Variants in MFSD8 observed in about 807,000 individuals in gnomAD.
MFSD8 encodes the protein major facilitator superfamily domain-containing protein 8.
Under a neutral mutation model 66.4 loss-of-function variants are expected in MFSD8, and 55 were observed. The ratio of observed to expected loss-of-function variants is 0.83; its 90% CI spans 0.67 to 1.04. MFSD8 has a LOEUF of 1.04. Ranked by LOEUF, MFSD8 falls within the 50% of genes least tolerant of loss-of-function variation. The pLI, the probability that MFSD8 is intolerant of heterozygous loss-of-function variation, is 0.00. For synonymous variants in MFSD8, 202 were observed against 212.8 expected, an observed-to-expected ratio of 0.95 and a Z score of 0.44; for missense variants, 550 against 627.6, an observed-to-expected ratio of 0.88 and a Z score of 1.32.
intron 1 of MFSD8, among the ~76,000 whole-genome samples, chr4:127,961,682 G>A (rs1292020977): frequency 2.0e-5 from 3 of 152,054 alleles, no homozygotes; most frequent in Admixed American, 6.6e-5. Flanking sequence ...CCGGCGTGGT[G>A]ACGGGCGCCT....
At position 127,921,583 on chromosome 4, in the gene MFSD8, G is replaced by C. The variant is rs2148839575; in HGVS notation, c.1291C>G (p.Pro431Ala). Residue 431 changes from proline to alanine, a missense_variant, in exon 11 of 12, where the codon CCA (proline) becomes GCA (alanine). Pro to Ala is a conservative substitution (Grantham distance 27). Coordinates refer to ENST00000641686, the MANE Select transcript of MFSD8 (RefSeq NM_001371596.2). The stretch of plus-strand genomic sequence containing the variant: ...GTATAGGACATAAGATTGCAGACTG[G>C]ATAGCCTAATCCTATTAGCACAGCT... ...TSAVLIGLGYPVCNLMSYTLY... is the reference protein window; with the variant it reads ...TSAVLIGLGYAVCNLMSYTLY... The C allele has an allele frequency of 6.2e-7, 1 of 1,614,170 alleles. No homozygotes were observed. Among genetic ancestry groups the C allele is most frequent in the Middle Eastern group, 1.6e-4 (1 of 6,062 alleles).
rs963937026 is a variant in MFSD8, at chr4:127,918,441, A to C, written c.*2189T>G. On this transcript the variant is annotated 3_prime_UTR_variant, in exon 12 of 12. Coordinates refer to ENST00000641686, the MANE Select transcript of MFSD8 (RefSeq NM_001371596.2). Reference sequence around the variant, plus strand: ...TTTGTGTAAGGTTAAGTTTATCTAAATTTTAATCAATATTATAAACCTTTG... The same window carrying C: ...TTTGTGTAAGGTTAAGTTTATCTAACTTTTAATCAATATTATAAACCTTTG... The C allele has an allele frequency of 6.6e-6, 1 of 152,250 alleles. No homozygotes were observed. The highest frequency in any genetic ancestry group is 2.4e-5 in the African/African-American group (1 of 41,468). The allele number at this position is 152,250 out of a possible 1,614,324, so 9.4% of individuals were successfully genotyped here.
intron 9 of MFSD8, among the ~76,000 whole-genome samples, chr4:127,928,199 A>G (rs1175919246): frequency 6.6e-6 from 1 of 152,086 alleles, no homozygotes; most frequent in Non-Finnish European, 1.5e-5. Context: ...CTACACGCAC[A>G]TGCCACCACA....
At chr4:127,960,363 C>G (rs1042788747) in intron 1 of MFSD8, among the ~76,000 whole-genome samples, 2 of 152,052 alleles carry the variant, frequency 1.3e-5, no homozygotes, top group African/African-American at 4.8e-5. Context: ...AACCCTGTCT[C>G]TACTAAAAAT....
chr4:127,926,905 T>A (rs1216758184), intron 9 of MFSD8, among the ~76,000 whole-genome samples: 2 of 152,176 alleles, frequency 1.3e-5, no homozygotes, highest in African/African-American at 4.8e-5. Flanking sequence ...TCCAGACTAG[T>A]GATCTGTGGT....
At chr4:127,921,037 G>A in intron 11 of MFSD8, 1 of 599,016 alleles carries the variant, frequency 1.7e-6, no homozygotes, top group South Asian at 2.2e-5. Flanking sequence ...GAGTGTAAAG[G>A]GAAAAACTTA....
At chr4:127,964,699 G>C (rs1479155298) in intron 1 of MFSD8, 9 of 364,062 alleles carry the variant, frequency 2.5e-5, no homozygotes, top group Non-Finnish European at 3.7e-5. Context: ...TGCAGCGGTG[G>C]GCTGAAGGGC....
intron 2 of MFSD8, among the ~76,000 whole-genome samples, chr4:127,955,822 A>C (rs912638924): frequency 6.6e-6 from 1 of 152,180 alleles, no homozygotes; most frequent in Non-Finnish European, 1.5e-5. Flanking sequence ...ATTTAAACTT[A>C]AGAAATTTTG....
At chr4:127,923,665 C>T (rs184435038) in intron 9 of MFSD8, among the ~76,000 whole-genome samples, 3,989 of 151,036 alleles carry the variant, frequency 0.026, 74 homozygotes, top group Non-Finnish European at 0.034. Context: ...CTGCAAACTC[C>T]GCCTCCCGGG....
chr4:127,964,234 C>T (rs1403133419), intron 1 of MFSD8, among the ~76,000 whole-genome samples: 1 of 152,248 alleles, frequency 6.6e-6, no homozygotes, highest in Non-Finnish European at 1.5e-5. Flanking sequence ...CGCCGTGCAC[C>T]CGCACTCCTC....
At chr4:127,939,498 C>A in intron 6 of MFSD8, 1 of 174,138 alleles carries the variant, frequency 5.7e-6, no homozygotes, top group Non-Finnish European at 1.2e-5. Flanking sequence ...CCCAGCTACT[C>A]GGGAAGCTGA....
At chr4:127,928,514 A>T (rs573389449) in intron 9 of MFSD8, among the ~76,000 whole-genome samples, 1 of 152,342 alleles carries the variant, frequency 6.6e-6, no homozygotes, top group South Asian at 2.1e-4. Context: ...ACTAATCATC[A>T]GAGAAATGCA....
At chr4:127,946,209 G>A (rs987169141) in intron 3 of MFSD8, among the ~76,000 whole-genome samples, 1 of 152,158 alleles carries the variant, frequency 6.6e-6, no homozygotes, top group Non-Finnish European at 1.5e-5. Flanking sequence ...ACAGGCACGT[G>A]AGTCACAGCA....
intron 9 of MFSD8, among the ~76,000 whole-genome samples, chr4:127,926,403 A>G (rs1406875159): frequency 6.8e-6 from 1 of 147,406 alleles, no homozygotes; most frequent in Non-Finnish European, 1.5e-5. Flanking sequence ...TGAGCAGTGT[A>G]TCAAATACAA....
chr4:127,951,391 G>C lies in MFSD8; in HGVS notation c.155-1544C>G, dbSNP rs540215182. 7.0e-4 allele frequency among the ~76,000 whole-genome samples: 106 copies of C among 152,066 alleles called. 1 individual carries two copies. The highest frequency in any genetic ancestry group is 2.5e-3 in the African/African-American group (103 of 41,506). On this transcript the variant is annotated intron_variant, in intron 2 of 11. Coordinates refer to ENST00000641686, the MANE Select transcript of MFSD8 (RefSeq NM_001371596.2). ...ATTACAGGCTCCTGCCACCACAACA[G>C]GCTAATTTTTGTACTTTAGTAGAGA...
At chr4:127,947,089 G>T (rs181186555) in intron 3 of MFSD8, among the ~76,000 whole-genome samples, 6 of 151,870 alleles carry the variant, frequency 4.0e-5, no homozygotes, top group African/African-American at 1.5e-4. Flanking sequence ...TGTTGTGAGG[G>T]ACAGTGAGAG....
At chr4:127,933,161 G>T in intron 7 of MFSD8, 68 bp from the exon 8 acceptor site, 1 of 1,309,056 alleles carries the variant, frequency 7.6e-7, no homozygotes, top group Non-Finnish European at 1.1e-6. Context: ...TTAAAGTAAT[G>T]TAGAAATTAC....
chr4:127,931,748 T>C (rs183702130), intron 8 of MFSD8, among the ~76,000 whole-genome samples: 1 of 152,340 alleles, frequency 6.6e-6, no homozygotes, highest in Admixed American at 6.5e-5. Context: ...TGGAAATAGC[T>C]AGTGGTCATG....
intron 2 of MFSD8, among the ~76,000 whole-genome samples, chr4:127,956,167 C>G (rs1301046428): frequency 6.6e-6 from 1 of 151,212 alleles, no homozygotes; most frequent in Non-Finnish European, 1.5e-5. Context: ...TTTTGCACAT[C>G]TTCAAGAAGT....
Sources: gnomAD v4.1 joint callset for allele counts (sites outside exome capture counted in the v4.1 genomes callset) on GRCh38, gnomAD v4.1.1 for gene constraint, MANE v1.5 for transcripts, NCBI Gene and HGNC (gene_info 2026-07-23, HGNC 2026-07-21) for gene names.